The following HIRA variants were observed in gnomAD, a reference collection of about 807,000 sequenced individuals.
HIRA encodes the protein protein HIRA.
HIRA carries 13 observed loss-of-function variants against 126.6 expected under a neutral mutation model. The ratio of observed to expected loss-of-function variants is 0.10; its 90% CI spans 0.07 to 0.16. The LOEUF is 0.16. HIRA is among the 10% of genes least tolerant of loss of function. The pLI, the probability that HIRA is intolerant of heterozygous loss-of-function variation, is 1.00. For synonymous variants in HIRA, 511 were observed against 520.0 expected, an observed-to-expected ratio of 0.98 and a Z score of 0.24; for missense variants, 834 against 1,314.4, an observed-to-expected ratio of 0.63 and a Z score of 5.65.
chr22:19,372,996 G>C (rs929674368), intron 15 of HIRA, among the ~76,000 whole-genome samples: 1 of 152,190 alleles, frequency 6.6e-6, no homozygotes, highest in Admixed American at 6.5e-5. Flanking sequence ...ATGAGCCATT[G>C]TGTCCAGCCA....
At chr22:19,354,187 G>A in intron 21 of HIRA, 69 bp from the exon 22 acceptor site, 8 of 1,505,884 alleles carry the variant, frequency 5.3e-6, no homozygotes, top group Non-Finnish European at 6.2e-6. Flanking sequence ...TTGCCAACCA[G>A]AGAAGGCTGG....
chr22:19,400,448 C>G (rs932800417), intron 5 of HIRA, among the ~76,000 whole-genome samples: 8 of 152,158 alleles, frequency 5.3e-5, no homozygotes, highest in Non-Finnish European at 7.3e-5. Flanking sequence ...ATACTGTAGC[C>G]TCTTTCAGTG....
intron 15 of HIRA, chr22:19,365,938 A>C (rs1452895456): frequency 1.3e-5 from 2 of 152,298 alleles, no homozygotes; most frequent in African/African-American, 4.8e-5. Flanking sequence ...TGAACTGCCC[A>C]GTTTGGAAAC....
rs570788249 is a variant in HIRA at position 19,426,131 on chromosome 22, CCTCT to C, written c.37+5305_37+5308del. On this transcript the variant is annotated intron_variant, in intron 1 of 24. Transcript: ENST00000263208. ...TTCTACCTCTACCCTGTCTTTAGTG[CCTCT>C]CTATTTCTCACCTCCATCACCTGTG... Among the ~76,000 whole-genome samples, 11 of 152,318 alleles carry C rather than the reference CCTCT, an allele frequency of 7.2e-5. No homozygotes were observed. The South Asian group carries it at 1.4e-3, about 20-fold the overall frequency.
At chr22:19,426,822 GGAGA>G in intron 1 of HIRA, among the ~76,000 whole-genome samples, 1 of 152,342 alleles carries the variant, frequency 6.6e-6, no homozygotes, top group African/African-American at 2.4e-5. Context: ...GCATAAGTCA[GGAGA>G]GAAATTGCTG....
chr22:19,383,401 A>C (rs2089095007), intron 13 of HIRA, among the ~76,000 whole-genome samples: 1 of 152,136 alleles, frequency 6.6e-6, no homozygotes, highest in Non-Finnish European at 1.5e-5. Flanking sequence ...TGGCCGCCTT[A>C]GCACTCCCAC....
chr22:19,360,537 C>G (rs2088853674), intron 17 of HIRA, among the ~76,000 whole-genome samples: 1 of 152,150 alleles, frequency 6.6e-6, no homozygotes, highest in Non-Finnish European at 1.5e-5. Flanking sequence ...GAGGACCAAC[C>G]TGGGCTCAGA....
At chr22:19,342,772 C>T (rs1556007927) in intron 24 of HIRA, among the ~76,000 whole-genome samples, 1 of 152,188 alleles carries the variant, frequency 6.6e-6, no homozygotes. Context: ...GAAAAGAAGT[C>T]ATTATGTGAA....
intron 15 of HIRA, among the ~76,000 whole-genome samples, chr22:19,370,915 C>A: frequency 6.6e-6 from 1 of 152,262 alleles, no homozygotes; most frequent in East Asian, 1.9e-4. Context: ...GTGGACATAG[C>A]TGCTGAGGAA....
intron 24 of HIRA, among the ~76,000 whole-genome samples, chr22:19,349,760 T>C (rs1006017089): frequency 6.6e-6 from 1 of 152,230 alleles, no homozygotes; most frequent in Non-Finnish European, 1.5e-5. Flanking sequence ...ATTAGGCCTC[T>C]GTACACACCA....
At position 19,385,461 on chromosome 22, in the gene HIRA, C is replaced by T; in HGVS notation, c.1329+60G>A. ...CTTCCTTACCACCACTGGTGTCTGCCCCTCACCCTGTCCCTGGGCATATGT... is the reference window on the plus strand; with the variant it reads ...CTTCCTTACCACCACTGGTGTCTGCTCCTCACCCTGTCCCTGGGCATATGT... On this transcript the variant is annotated intron_variant, in intron 12 of 24. Coordinates refer to ENST00000263208, the MANE Select transcript of HIRA (RefSeq NM_003325.4). 4 of 1,502,932 alleles carry T rather than the reference C, an allele frequency of 2.7e-6. No individual in the cohort carries two copies. In the South Asian group the frequency reaches 4.7e-5, roughly 17 times the overall value. 93.1% of individuals were successfully genotyped at this position (1,502,932 alleles called of 1,614,324 possible). A position where few individuals can be genotyped will look rare whatever the true frequency, so the allele number is the denominator to read the frequency against.
intron 9 of HIRA, among the ~76,000 whole-genome samples, chr22:19,391,264 T>C (rs548217009): frequency 6.6e-6 from 1 of 152,220 alleles, no homozygotes; most frequent in African/African-American, 2.4e-5. Context: ...TACCACACAA[T>C]TGCATTTATA....
chr22:19,394,047 T>G (rs2089203554), intron 8 of HIRA, among the ~76,000 whole-genome samples: 5 of 152,154 alleles, frequency 3.3e-5, no homozygotes. Flanking sequence ...CAGTGCTTGG[T>G]GGGTATACCA....
intron 1 of HIRA, among the ~76,000 whole-genome samples, chr22:19,411,570 T>C (rs768387070): frequency 1.8e-4 from 28 of 152,238 alleles, no homozygotes; most frequent in Non-Finnish European, 3.7e-4. Context: ...ACAAGTGGCA[T>C]GTCAGTTGCT....
intron 24 of HIRA, among the ~76,000 whole-genome samples, chr22:19,346,481 A>G (rs2146180037): frequency 6.6e-6 from 1 of 152,380 alleles, no homozygotes; most frequent in East Asian, 1.9e-4. Context: ...ACAAATTCAG[A>G]ATAGTGTTGA....
intron 1 of HIRA, among the ~76,000 whole-genome samples, chr22:19,429,425 C>T (rs374566773): frequency 1.3e-5 from 2 of 152,026 alleles, no homozygotes; most frequent in African/African-American, 2.4e-5. Flanking sequence ...CATGTGCCAC[C>T]GTGCCCAGCC....
intron 1 of HIRA, among the ~76,000 whole-genome samples, chr22:19,424,429 A>T (rs1420304540): frequency 1.3e-5 from 2 of 152,228 alleles, no homozygotes; most frequent in Admixed American, 6.5e-5. Flanking sequence ...CAAATGCCAG[A>T]AAAGGCTCAC....
At chr22:19,347,157 A>C (rs1556009112) in intron 24 of HIRA, among the ~76,000 whole-genome samples, 1 of 152,204 alleles carries the variant, frequency 6.6e-6, no homozygotes, top group African/African-American at 2.4e-5. Context: ...TAGATGGCTC[A>C]TCGGCCTGTC....
chr22:19,423,670 T>C (rs571227530), intron 1 of HIRA, among the ~76,000 whole-genome samples: 2 of 152,352 alleles, frequency 1.3e-5, no homozygotes. Flanking sequence ...CCCTTCTGTC[T>C]GGTCTTCACC....
Sources: allele counts gnomAD v4.1 joint callset (sites outside exome capture counted in the v4.1 genomes callset), GRCh38; gene constraint gnomAD v4.1.1; transcripts MANE v1.5; gene names NCBI Gene and HGNC (gene_info 2026-07-23, HGNC 2026-07-21).